The following PRKCZ variants were observed in gnomAD, a reference collection of about 807,000 sequenced individuals.
The protein encoded by PRKCZ is protein kinase C zeta, also known as protein kinase C zeta type.
In PRKCZ, 33 loss-of-function variants were observed where a neutral mutation model predicts 79.5. That is an observed-to-expected ratio of 0.41 (90% CI 0.31 to 0.55). The LOEUF (loss-of-function observed/expected upper bound fraction) is 0.55, where lower values mean the gene tolerates loss of function less well. Among genes scored for constraint, PRKCZ ranks in the 20% least tolerant of loss-of-function variants. The pLI, the probability that PRKCZ is intolerant of heterozygous loss-of-function variation, is 0.19. For missense variants in PRKCZ, 578 were observed against 813.5 expected (o/e 0.71, Z 3.52); for synonymous variants, 342 against 320.9 (o/e 1.07, Z -0.70).
At chr1:2,136,769 C>T (rs978120717) in intron 5 of PRKCZ, among the ~76,000 whole-genome samples, 3 of 152,132 alleles carry the variant, frequency 2.0e-5, no homozygotes, top group Non-Finnish European at 4.4e-5. Flanking sequence ...CCACCCTGGC[C>T]GCCTTTTCTG....
chr1:2,103,444 C>T (rs1667839729), intron 4 of PRKCZ, among the ~76,000 whole-genome samples: 1 of 151,852 alleles, frequency 6.6e-6, no homozygotes, highest in African/African-American at 2.4e-5. Context: ...TCCAGTGGCG[C>T]GTGTGCCTCG....
At chr1:2,072,437 C>T (rs981950057) in intron 4 of PRKCZ, among the ~76,000 whole-genome samples, 2 of 152,146 alleles carry the variant, frequency 1.3e-5, no homozygotes, top group East Asian at 1.9e-4. Context: ...CGGGGCCATG[C>T]GGGCAAGCGC....
intron 4 of PRKCZ, among the ~76,000 whole-genome samples, chr1:2,114,699 G>C (rs1049770699): frequency 6.6e-6 from 1 of 152,074 alleles, no homozygotes; most frequent in South Asian, 2.1e-4. Context: ...GCTTGAACCC[G>C]GGAGGTGGAG....
chr1:2,096,373 C>G (rs1294827986), intron 4 of PRKCZ, among the ~76,000 whole-genome samples: 1 of 151,996 alleles, frequency 6.6e-6, no homozygotes, highest in Non-Finnish European at 1.5e-5. Flanking sequence ...GCTGGGAGCA[C>G]AGGTGTCGGC....
intron 4 of PRKCZ, chr1:2,104,762 GCGGGGCTCACTGCTGCCCCC>G: frequency 1.0e-6 from 1 of 985,850 alleles, no homozygotes; most frequent in Non-Finnish European, 1.2e-6. Flanking sequence ...GGGCTGGCCT[GCGGGGCTCACTGCTGCCCCC>G]CGGGGCCGAG....
rs905680097 is a variant in PRKCZ at position 2,128,250 on chromosome 1, C to T, written c.335-7012C>T. On this transcript the variant is annotated intron_variant, in intron 4 of 17. Coordinates refer to ENST00000378567, the MANE Select transcript of PRKCZ (RefSeq NM_002744.6). This position sits in a 1 kb window ranked among gnomAD's most constrained non-coding sequence, Gnocchi z 6.5. ...GCTTGACCACTGCCTTGCACCCATC[C>T]GGGCCCCGCAGGGCCGTCCTGTGGC... Among the ~76,000 whole-genome samples, 5 of 152,212 alleles carry T rather than the reference C, an allele frequency of 3.3e-5. No individual in the cohort carries two copies. Among genetic ancestry groups the T allele is most frequent in the Non-Finnish European group, 5.9e-5 (4 of 68,022 alleles).
At position 2,172,241 on chromosome 1, in the gene PRKCZ, G is replaced by T; in HGVS notation, c.1197+51G>T. The T allele has an allele frequency of 6.2e-7, 1 of 1,613,466 alleles. No homozygotes were observed. The highest frequency in any genetic ancestry group is 8.5e-7 in the Non-Finnish European group (1 of 1,180,014). On this transcript the variant is annotated intron_variant, in intron 12 of 17. Coordinates refer to ENST00000378567, the MANE Select transcript of PRKCZ (RefSeq NM_002744.6). This position sits in a 1 kb window ranked among gnomAD's most constrained non-coding sequence, Gnocchi z 7.8. ...GACCATCCCGCATGTGCGTCTCGGG[G>T]CGCCTGTCCCGCGGGGTAGTGTCTA...
chr1:2,112,343 C>T (rs3107140), intron 4 of PRKCZ, among the ~76,000 whole-genome samples: 13,486 of 152,230 alleles, frequency 0.089, 1,993 homozygotes, highest in African/African-American at 0.3. Flanking sequence ...ACCTTCTGTC[C>T]GAAGCAGCCG....
chr1:2,051,338 C>T (rs1019037542), intron 1 of PRKCZ, among the ~76,000 whole-genome samples: 1 of 152,206 alleles, frequency 6.6e-6, no homozygotes, highest in African/African-American at 2.4e-5. Flanking sequence ...CTCTTGGCCG[C>T]CGCCTCGGGG....
chr1:2,108,892 C>A (rs1026838269), intron 4 of PRKCZ, among the ~76,000 whole-genome samples: 1 of 152,346 alleles, frequency 6.6e-6, no homozygotes, highest in East Asian at 1.9e-4. Flanking sequence ...AGTCAAGGCA[C>A]CAGCTGGGTG....
chr1:2,063,699 G>C (rs558988867), intron 4 of PRKCZ, among the ~76,000 whole-genome samples: 4 of 152,344 alleles, frequency 2.6e-5, no homozygotes, highest in Admixed American at 1.3e-4. Context: ...GAGCGCCACT[G>C]TCTCCGCATC....
At chr1:2,163,860 C>G (rs548661415) in intron 10 of PRKCZ, among the ~76,000 whole-genome samples, 1 of 151,930 alleles carries the variant, frequency 6.6e-6, no homozygotes, top group Admixed American at 6.6e-5. Context: ...GATTGCACCA[C>G]TGCACTCCAA....
chr1:2,139,918 G>A (rs1676980170), intron 5 of PRKCZ, among the ~76,000 whole-genome samples: 1 of 152,232 alleles, frequency 6.6e-6, no homozygotes, highest in South Asian at 2.1e-4. Context: ...TCTGAGCTGT[G>A]GCTGCTGGAG....
At chr1:2,096,026 G>T (rs1445870371) in intron 4 of PRKCZ, among the ~76,000 whole-genome samples, 1 of 151,098 alleles carries the variant, frequency 6.6e-6, no homozygotes, top group East Asian at 2.0e-4. Flanking sequence ...TGGGTGTGGG[G>T]GCCGGGCCTG....
intron 4 of PRKCZ, among the ~76,000 whole-genome samples, chr1:2,093,949 G>A (rs928224362): frequency 2.0e-5 from 3 of 152,168 alleles, no homozygotes; most frequent in Admixed American, 6.5e-5. Context: ...GGCCAGGGCA[G>A]AGGGAGCCAG....
chr1:2,074,080 C>T, intron 4 of PRKCZ: 1 of 1,489,514 alleles, frequency 6.7e-7, no homozygotes, highest in South Asian at 1.3e-5. Context: ...TGCACAGATG[C>T]TCCGGGCAGC....
chr1:2,126,268 C>G (rs1358424883), intron 4 of PRKCZ, among the ~76,000 whole-genome samples: 1 of 152,174 alleles, frequency 6.6e-6, no homozygotes. Flanking sequence ...GCTCAAAAAC[C>G]AAAGTCTGCC....
At chr1:2,176,097 A>G (rs1397371180) in intron 16 of PRKCZ, among the ~76,000 whole-genome samples, 1 of 152,042 alleles carries the variant, frequency 6.6e-6, no homozygotes, top group African/African-American at 2.4e-5. Flanking sequence ...CGATTTAGGA[A>G]TCTGATTTCG....
At chr1:2,148,598 A>G (rs1265442706) in intron 7 of PRKCZ, among the ~76,000 whole-genome samples, 2 of 152,192 alleles carry the variant, frequency 1.3e-5, no homozygotes, top group African/African-American at 2.4e-5. Context: ...TTCACTAGAC[A>G]CCAAAATCCG....
Sources: allele counts gnomAD v4.1 joint callset (sites outside exome capture counted in the v4.1 genomes callset), GRCh38; gene constraint gnomAD v4.1.1; non-coding constraint Gnocchi (gnomAD v3.1); transcripts MANE v1.5; gene names NCBI Gene and HGNC (gene_info 2026-07-23, HGNC 2026-07-21).